The following RGS22 variants were observed in gnomAD, a reference collection of about 807,000 sequenced individuals.
RGS22 encodes the protein regulator of G protein signaling 22.
RGS22 carries 148 observed loss-of-function variants against 172.9 expected under a neutral mutation model. That is an observed-to-expected ratio of 0.86 (90% confidence interval 0.75 to 0.98). RGS22 has a LOEUF of 0.98. Among genes scored for constraint, RGS22 ranks in the 50% least tolerant of loss-of-function variants. The pLI is 0.00. For synonymous variants in RGS22, 458 were observed against 480.2 expected (o/e 0.95, Z 0.60); for missense variants, 1,347 against 1,440.8 (o/e 0.93, Z 1.05).
intron 20 of RGS22, among the ~76,000 whole-genome samples, chr8:99,992,895 A>C (rs1487690133): frequency 1.3e-5 from 2 of 152,220 alleles, no homozygotes; most frequent in African/African-American, 4.8e-5. Flanking sequence ...ATGTGAAAGA[A>C]CAGAAATCAC....
At chr8:100,079,072 A>G (rs944534951) in intron 4 of RGS22, among the ~76,000 whole-genome samples, 2 of 152,252 alleles carry the variant, frequency 1.3e-5, no homozygotes, top group Non-Finnish European at 2.9e-5. Flanking sequence ...CAAAGCACAT[A>G]ACTCAAGAAT....
chr8:99,968,165 A>C (rs1360549434), intron 23 of RGS22, among the ~76,000 whole-genome samples: 1 of 152,194 alleles, frequency 6.6e-6, no homozygotes, highest in African/African-American at 2.4e-5. Flanking sequence ...TAAAACTAAC[A>C]AACAGAAAGC....
chr8:100,009,780 T>C (rs1816165813), intron 14 of RGS22, among the ~76,000 whole-genome samples: 1 of 152,222 alleles, frequency 6.6e-6, no homozygotes, highest in African/African-American at 2.4e-5. Flanking sequence ...AAAATAATCT[T>C]TTAAGACTTA....
intron 10 of RGS22, among the ~76,000 whole-genome samples, chr8:100,052,410 T>A (rs1272292365): frequency 6.6e-6 from 1 of 151,164 alleles, no homozygotes; most frequent in African/African-American, 2.4e-5. Context: ...CCCGCCATTC[T>A]CCTGCCTCAG....
At position 100,002,334 on chromosome 8, in the gene RGS22, C is replaced by T; in HGVS notation, c.2658G>A (p.Glu886=). The change falls in exon 18 of 28, where the codon GAG becomes GAA. Residue 886 remains glutamate (E), a synonymous_variant. Transcript: ENST00000360863. Reference sequence around the variant, plus strand: ...CTCTGTAAGTTATTCTCCGGAACTGCTCAATGTCTGTCCAGCACATAAGAT... The same window carrying T: ...CTCTGTAAGTTATTCTCCGGAACTGTTCAATGTCTGTCCAGCACATAAGAT... The part of the protein sequence containing the change: ...SMDLMCWTDI[E]QFRRITYRDR... 6.2e-7 allele frequency: 1 copy of T among 1,610,882 alleles called. No individual in the cohort carries two copies. The highest frequency in any genetic ancestry group is 1.3e-5 in the African/African-American group (1 of 74,822).
In RGS22 at chr8:100,051,412, A is replaced by T. The variant is rs1427652253; in HGVS notation, c.1689+1390T>A. 4.1e-5 allele frequency among the ~76,000 whole-genome samples: 5 copies of T among 122,308 alleles called. 1 individual carries two copies. Among genetic ancestry groups the T allele is most frequent in the South Asian group, 5.1e-4 (2 of 3,932 alleles). 80.2% of individuals were successfully genotyped at this position (122,308 alleles called of 152,430 possible). On this transcript the variant is annotated intron_variant, in intron 10 of 27. Transcript: ENST00000360863. ...ATATATTTTTATATATATATTTATT[A>T]TATATATATACATTTATATATTTAT...
At position 100,052,938 on chromosome 8, in the gene RGS22, T is replaced by C. The variant is rs777058901; in HGVS notation, c.1553A>G (p.Lys518Arg). ...RFCVTHSAST[K>R]YASAELKFWH... ...GAATTTCAGTTCAGCACTAGCATATTTTGTTGAGGCTGAATGAGTAACACA... is the reference window on the plus strand; with the variant it reads ...GAATTTCAGTTCAGCACTAGCATATCTTGTTGAGGCTGAATGAGTAACACA... The change falls in exon 10 of 28, where the codon AAA becomes AGA. Residue 518 changes from lysine to arginine, a missense_variant. Coordinates refer to ENST00000360863, the MANE Select transcript of RGS22 (RefSeq NM_015668.5). The C allele has an allele frequency of 1.2e-6, 2 of 1,614,062 alleles. No homozygotes were observed. Among genetic ancestry groups the C allele is most frequent in the Non-Finnish European group, 1.7e-6 (2 of 1,180,002 alleles).
In RGS22 at chr8:100,072,089, T is replaced by C. The variant is rs999310595; in HGVS notation, c.425+56A>G. 1.3e-5 allele frequency: 13 copies of C among 1,035,856 alleles called. No individual in the cohort carries two copies. The Admixed American group carries it at 2.6e-4, about 21-fold the overall frequency. 64.2% of individuals were successfully genotyped at this position (1,035,856 alleles called of 1,614,324 possible). A position where few individuals can be genotyped will look rare whatever the true frequency, so the allele number is the denominator to read the frequency against. ...GGCATACAGCTGTAGTCCTAGCAAA[T>C]TGGGAGGCTAATATATATGTATTTA... On this transcript the variant is annotated intron_variant, in intron 5 of 27. Coordinates refer to ENST00000360863, the MANE Select transcript of RGS22 (RefSeq NM_015668.5).
At chr8:100,064,238 T>G (rs1810378204) in intron 7 of RGS22, among the ~76,000 whole-genome samples, 195 bp from the exon 8 acceptor site, 1 of 152,056 alleles carries the variant, frequency 6.6e-6, no homozygotes, top group Non-Finnish European at 1.5e-5. Flanking sequence ...GAGGCCATGG[T>G]GGGTGGATCA....
intron 14 of RGS22, among the ~76,000 whole-genome samples, chr8:100,029,713 A>G (rs1045060741): frequency 2.8e-4 from 42 of 151,044 alleles, no homozygotes; most frequent in East Asian, 2.5e-3. Context: ...AAAAAAAAAA[A>G]AAAAAAAAAA....
chr8:99,985,850 T>TGTCCTAA (rs1301733156), intron 21 of RGS22, among the ~76,000 whole-genome samples: 4 of 152,180 alleles, frequency 2.6e-5, no homozygotes, highest in African/African-American at 9.7e-5. Context: ...CATTACCTCT[T>TGTCCTAA]GTCCTAGCAA....
At chr8:99,976,568 A>T (rs570193037) in intron 23 of RGS22, among the ~76,000 whole-genome samples, 1 of 152,084 alleles carries the variant, frequency 6.6e-6, no homozygotes, top group Non-Finnish European at 1.5e-5. Context: ...TCACCGTGTT[A>T]GCCAGGATGG....
At chr8:100,047,673 T>A in intron 10 of RGS22, 77 bp from the exon 11 acceptor site, 1 of 1,306,434 alleles carries the variant, frequency 7.7e-7, no homozygotes, top group Non-Finnish European at 1.0e-6. Flanking sequence ...TCAAATTTGT[T>A]CTCATCACTC....
chr8:100,045,747 AT>A (rs946458939), intron 11 of RGS22, among the ~76,000 whole-genome samples: 1 of 150,936 alleles, frequency 6.6e-6, no homozygotes, highest in African/African-American at 2.4e-5. Flanking sequence ...AACAATATTA[AT>A]TGTTGAATTA....
chr8:100,063,646 CT>C lies in RGS22; in HGVS notation c.1121del (p.Lys374ArgfsTer7). 1 of 1,614,070 alleles carries C rather than the reference CT, an allele frequency of 6.2e-7. No individual in the cohort carries two copies. The highest frequency in any genetic ancestry group is 8.5e-7 in the Non-Finnish European group (1 of 1,179,992). Reference protein sequence around the residue: ...NFLSELVQTTKERSEEIEQTS... With the variant: ...NFLSELVQTTXERSEEIEQTS... ...TTTGTTCTATCTCTTCTGACCTCTCCTTTGTAGTTTGAACTAATTCACTTAA... is the reference window on the plus strand; with the variant it reads ...TTTGTTCTATCTCTTCTGACCTCTCCTTGTAGTTTGAACTAATTCACTTAA... On this transcript the variant is annotated frameshift_variant, in exon 8 of 28. Transcript: ENST00000360863. LOFTEE classifies it high-confidence loss of function.
chr8:100,024,714 A>G (rs1817987570), intron 14 of RGS22, among the ~76,000 whole-genome samples: 1 of 152,244 alleles, frequency 6.6e-6, no homozygotes, highest in South Asian at 2.1e-4. Context: ...AGTTAAGAGT[A>G]TAGGGTCTGG....
At chr8:99,982,377 G>T (rs1812641964) in intron 21 of RGS22, among the ~76,000 whole-genome samples, 1 of 152,126 alleles carries the variant, frequency 6.6e-6, no homozygotes, top group African/African-American at 2.4e-5. Flanking sequence ...GCAAAGGAAT[G>T]ACATTAGTAT....
At chr8:100,060,546 C>CAA (rs1013614930) in intron 9 of RGS22, among the ~76,000 whole-genome samples, 36 of 150,942 alleles carry the variant, frequency 2.4e-4, no homozygotes, top group African/African-American at 8.5e-4. Context: ...ACAACTGCCA[C>CAA]AAAAAACATA....
At chr8:99,967,107 A>G (rs1810823518) in intron 23 of RGS22, among the ~76,000 whole-genome samples, 1 of 152,178 alleles carries the variant, frequency 6.6e-6, no homozygotes, top group South Asian at 2.1e-4. Flanking sequence ...TGCCTCACGC[A>G]GGAAGTGCAA....
Sources: allele counts gnomAD v4.1 joint callset (sites outside exome capture counted in the v4.1 genomes callset), GRCh38; gene constraint gnomAD v4.1.1; transcripts MANE v1.5; gene names NCBI Gene and HGNC (gene_info 2026-07-23, HGNC 2026-07-21).